The following CR1L variants were observed in gnomAD, a reference collection of about 807,000 sequenced individuals.
CR1L encodes the protein complement C3b/C4b receptor 1 like.
Under a neutral mutation model 62.3 loss-of-function variants are expected in CR1L, and 59 were observed. That is an observed-to-expected ratio of 0.95 (90% CI 0.77 to 1.18). CR1L has a LOEUF of 1.18. Among genes scored for constraint, CR1L ranks in the 50% most tolerant of loss-of-function variants. CR1L has a pLI of 0.00. For synonymous variants in CR1L, 279 were observed against 248.7 expected, an observed-to-expected ratio of 1.12 and a Z score of -1.15; for missense variants, 700 against 702.8, an observed-to-expected ratio of 1.00 and a Z score of 0.04.
At chr1:207,655,800 T>A (rs1663299408) in intron 1 of CR1L, among the ~76,000 whole-genome samples, 1 of 152,152 alleles carries the variant, frequency 6.6e-6, no homozygotes, top group African/African-American at 2.4e-5. Context: ...TAATGAAAAA[T>A]AACAATTTTC....
In CR1L at chr1:207,705,403, A is replaced by G. The variant is rs372369056; in HGVS notation, c.1329-2775A>G. ...AAAATGTCAAGTGTCAGGTGCTCAC[A>G]GCGCATGGTCCAGCTGTTGGTGCTC... is the stretch of plus-strand genomic sequence containing the variant. On this transcript the variant is annotated intron_variant, in intron 9 of 11. Coordinates refer to ENST00000508064, the MANE Select transcript of CR1L (RefSeq NM_175710.2). Among the ~76,000 whole-genome samples the G allele has an allele frequency of 2.0e-5, 3 of 152,360 alleles. No homozygotes were observed. In the South Asian group the frequency reaches 6.2e-4, roughly 32 times the overall value.
intron 10 of CR1L, chr1:207,715,500 A>G (rs1653972298): frequency 3.1e-6 from 2 of 640,204 alleles, no homozygotes. Flanking sequence ...TAACTAAATT[A>G]CTGATTAAAA....
intron 1 of CR1L, among the ~76,000 whole-genome samples, chr1:207,672,621 T>G (rs989210986): frequency 2.0e-5 from 3 of 151,892 alleles, no homozygotes; most frequent in African/African-American, 7.3e-5. Flanking sequence ...CAAAAGACAT[T>G]CTCTGGCTCA....
intron 3 of CR1L, among the ~76,000 whole-genome samples, chr1:207,679,894 T>C (rs1388277145): frequency 5.3e-5 from 8 of 152,078 alleles, no homozygotes; most frequent in Admixed American, 1.3e-4. Flanking sequence ...CTATACACCA[T>C]TCTGGAAAAG....
chr1:207,704,014 A>C (rs1470245446), intron 9 of CR1L, among the ~76,000 whole-genome samples: 1 of 152,236 alleles, frequency 6.6e-6, no homozygotes, highest in African/African-American at 2.4e-5. Context: ...TATAGTTCCC[A>C]CAGACAGTAA....
intron 10 of CR1L, among the ~76,000 whole-genome samples, chr1:207,713,144 C>T (rs1177304575): frequency 6.6e-6 from 1 of 152,120 alleles, no homozygotes; most frequent in Non-Finnish European, 1.5e-5. Context: ...AACTCAATAT[C>T]AGATACAAAC....
At chr1:207,695,435 G>A (rs988791208) in intron 5 of CR1L, among the ~76,000 whole-genome samples, 100 of 152,126 alleles carry the variant, frequency 6.6e-4, no homozygotes, top group African/African-American at 2.2e-3. Flanking sequence ...TGGCCTCTAT[G>A]TTTTGCAGAG....
At chr1:207,699,501 T>A (rs1423877860) in intron 8 of CR1L, among the ~76,000 whole-genome samples, 1 of 152,214 alleles carries the variant, frequency 6.6e-6, no homozygotes, top group Non-Finnish European at 1.5e-5. Context: ...TTGCGATAAA[T>A]CCTATGGTCG....
intron 1 of CR1L, among the ~76,000 whole-genome samples, chr1:207,662,606 C>T (rs910535447): frequency 6.6e-6 from 1 of 152,184 alleles, no homozygotes; most frequent in African/African-American, 2.4e-5. Context: ...CCTCCTTTAG[C>T]TCAGAGTAGT....
chr1:207,694,466 G>A lies in CR1L; in HGVS notation c.577G>A (p.Gly193Arg), dbSNP rs1391067647. 3 of 1,613,784 alleles carry A rather than the reference G, an allele frequency of 1.9e-6. No individual in the cohort carries two copies. The highest frequency in any genetic ancestry group is 2.7e-5 in the African/African-American group (2 of 74,922). ...CTACCACTGCAATCTTGGAAGCAGA[G>A]GGAAAAAGGTGTTTGAGCTTGTGGG... is the stretch of plus-strand genomic sequence containing the variant. ...VTYHCNLGSR[G>R]KKVFELVGEP... Residue 193 changes from glycine to arginine, a missense_variant, in exon 5 of 12, where the codon GGG becomes AGG. By Grantham distance (125) the Gly-to-Arg change is moderately radical. Transcript: ENST00000508064.
chr1:207,659,765 A>G (rs956440279), intron 1 of CR1L, among the ~76,000 whole-genome samples: 2 of 152,114 alleles, frequency 1.3e-5, no homozygotes, highest in African/African-American at 4.8e-5. Flanking sequence ...GAAAGCTGTG[A>G]GTGACTGCCT....
intron 2 of CR1L, 55 bp from the exon 3 acceptor site, chr1:207,678,143 A>G (rs1663915839): frequency 2.9e-6 from 4 of 1,389,924 alleles, no homozygotes; most frequent in Non-Finnish European, 4.0e-6. Context: ...CTTATGTACT[A>G]AAAAAAAATT....
intron 1 of CR1L, among the ~76,000 whole-genome samples, chr1:207,663,674 C>T (rs1250776016): frequency 5.3e-5 from 8 of 152,346 alleles, no homozygotes; most frequent in South Asian, 2.1e-4. Flanking sequence ...GAGATGAACC[C>T]GGTACCTCAG....
chr1:207,677,958 G>T (rs548338104), intron 2 of CR1L, among the ~76,000 whole-genome samples: 2 of 152,182 alleles, frequency 1.3e-5, no homozygotes, highest in Admixed American at 1.3e-4. Flanking sequence ...AGATAATAAC[G>T]AAGTTTACAT....
At chr1:207,713,627 G>T (rs1453383707) in intron 10 of CR1L, among the ~76,000 whole-genome samples, 1 of 152,256 alleles carries the variant, frequency 6.6e-6, no homozygotes, top group Non-Finnish European at 1.5e-5. Context: ...GTGTGAGTGA[G>T]CAAGTGGGGG....
At chr1:207,677,363 G>A in intron 1 of CR1L, 26 bp from the exon 2 acceptor site, 3 of 1,203,182 alleles carry the variant, frequency 2.5e-6, no homozygotes, top group African/African-American at 1.6e-5. Flanking sequence ...CATTAACTTC[G>A]ATGCTGCTGT....
At chr1:207,701,668 C>G (rs754920976) in intron 9 of CR1L, 50 bp downstream of exon 9, 2 of 1,610,854 alleles carry the variant, frequency 1.2e-6, no homozygotes, top group Non-Finnish European at 1.7e-6. Flanking sequence ...CACAGCAATA[C>G]TACCTTCTAG....
chr1:207,720,793 G>C (rs556379725), intron 11 of CR1L, among the ~76,000 whole-genome samples: 2 of 152,282 alleles, frequency 1.3e-5, no homozygotes, highest in South Asian at 2.1e-4. Flanking sequence ...TATCTTAAGA[G>C]AGGCTTAAAG....
intron 1 of CR1L, among the ~76,000 whole-genome samples, chr1:207,663,609 G>C (rs796266156): frequency 3.3e-5 from 5 of 152,182 alleles, no homozygotes; most frequent in African/African-American, 1.2e-4. Context: ...GCGATGCCTC[G>C]CCCTGCTTCG....
Sources: gnomAD v4.1 joint callset for allele counts (sites outside exome capture counted in the v4.1 genomes callset) on GRCh38, gnomAD v4.1.1 for gene constraint, MANE v1.5 for transcripts, NCBI Gene and HGNC (gene_info 2026-07-23, HGNC 2026-07-21) for gene names.